The following CDH4 variants were observed in gnomAD, a reference collection of about 807,000 sequenced individuals.
The protein encoded by CDH4 is cadherin-4.
CDH4 carries 33 observed loss-of-function variants against 86.0 expected under a neutral mutation model. The ratio of observed to expected loss-of-function variants is 0.38; its 90% confidence interval spans 0.29 to 0.51. The LOEUF (loss-of-function observed/expected upper bound fraction) is 0.51. Ranked by LOEUF, CDH4 falls within the 20% of genes least tolerant of loss-of-function variation. The pLI is 0.86. For missense variants in CDH4, 1,114 were observed against 1,307.4 expected, an observed-to-expected ratio of 0.85 and a Z score of 2.28; for synonymous variants, 555 against 549.4, an observed-to-expected ratio of 1.01 and a Z score of -0.14.
At chr20:61,647,320 C>G (rs1209631932) in intron 2 of CDH4, among the ~76,000 whole-genome samples, 1 of 152,166 alleles carries the variant, frequency 6.6e-6, no homozygotes, top group African/African-American at 2.4e-5. Context: ...CTGGAGGCAT[C>G]TCCCTCACGC....
rs76372235 is a variant in CDH4 at position 61,677,818 on chromosome 20, G to A, written c.170-65745G>A. Among the ~76,000 whole-genome samples the A allele has an allele frequency of 6.7e-3, 1,021 of 151,548 alleles. 11 individuals carry two copies. Among genetic ancestry groups the A allele is most frequent in the African/African-American group, 0.023 (938 of 41,314 alleles). On this transcript the variant is annotated intron_variant, in intron 2 of 15. Transcript: ENST00000614565. ...CATGGATGATGGATGGAAGATAGATGGATAGTGGATGGAGGACAGATGATA... is the reference window on the plus strand; with the variant it reads ...CATGGATGATGGATGGAAGATAGATAGATAGTGGATGGAGGACAGATGATA...
intron 2 of CDH4, among the ~76,000 whole-genome samples, chr20:61,677,750 G>A (rs947670310): frequency 3.0e-4 from 35 of 114,838 alleles, no homozygotes; most frequent in African/African-American, 1.1e-3. Flanking sequence ...TGGATGGGTG[G>A]ATAGGTGGAT....
intron 2 of CDH4, among the ~76,000 whole-genome samples, chr20:61,300,988 G>A (rs1337880111): frequency 6.6e-6 from 1 of 152,172 alleles, no homozygotes; most frequent in African/African-American, 2.4e-5. Flanking sequence ...CCTCACATGA[G>A]CTGCTGGGCA....
At chr20:61,929,102 G>C (rs745761885) in intron 12 of CDH4, among the ~76,000 whole-genome samples, 2 of 151,480 alleles carry the variant, frequency 1.3e-5, no homozygotes, top group African/African-American at 4.8e-5. Context: ...TATATATTCA[G>C]GAAATTATTT....
intron 2 of CDH4, among the ~76,000 whole-genome samples, chr20:61,449,419 G>GA (rs1426872936): frequency 7.9e-5 from 12 of 152,296 alleles, no homozygotes; most frequent in Non-Finnish European, 1.2e-4. Context: ...TCCACTCCCT[G>GA]AGTCACTCCG....
intron 2 of CDH4, chr20:61,718,795 C>T (rs756103331): frequency 3.6e-5 from 17 of 471,092 alleles, no homozygotes; most frequent in African/African-American, 1.8e-4. Flanking sequence ...TCACCAGCTG[C>T]GGAGGAGGCT....
chr20:61,298,053 C>G (rs915789020), intron 2 of CDH4, among the ~76,000 whole-genome samples: 1 of 152,212 alleles, frequency 6.6e-6, no homozygotes, highest in Non-Finnish European at 1.5e-5. Flanking sequence ...TTGGCTATCA[C>G]GAGGTGGCCT....
At chr20:61,348,597 T>C (rs1313538732) in intron 2 of CDH4, among the ~76,000 whole-genome samples, 4 of 152,220 alleles carry the variant, frequency 2.6e-5, no homozygotes, top group Admixed American at 2.6e-4. Flanking sequence ...TTTCTTTCAC[T>C]TCCGGTGTTT....
chr20:61,654,130 G>A (rs1424984737), intron 2 of CDH4, among the ~76,000 whole-genome samples: 1 of 152,134 alleles, frequency 6.6e-6, no homozygotes, highest in African/African-American at 2.4e-5. Context: ...TCCAGCCTGG[G>A]CACCATTGAG....
intron 1 of CDH4, 139 bp from the exon 2 acceptor site, chr20:61,254,687 C>G (rs111940372): frequency 1.6e-5 from 11 of 670,288 alleles, no homozygotes; most frequent in East Asian, 7.7e-5. Context: ...GACGGGGTAT[C>G]GCGTCTGGGT....
chr20:61,683,617 G>T (rs1485798463), intron 2 of CDH4, among the ~76,000 whole-genome samples: 2 of 152,212 alleles, frequency 1.3e-5, no homozygotes, highest in African/African-American at 4.8e-5. Context: ...TTGGTAGCTT[G>T]TCAGTCACCC....
chr20:61,913,887 C>CCCT, intron 9 of CDH4, among the ~76,000 whole-genome samples: 1 of 152,302 alleles, frequency 6.6e-6, no homozygotes, highest in Non-Finnish European at 1.5e-5. Context: ...TGGCAGCGGG[C>CCCT]CACCCTCTGC....
intron 2 of CDH4, among the ~76,000 whole-genome samples, chr20:61,587,824 A>G (rs559015962): frequency 1.3e-5 from 2 of 152,164 alleles, no homozygotes; most frequent in Non-Finnish European, 2.9e-5. Flanking sequence ...CAAGCAACAC[A>G]TGAGTGACTT....
At chr20:61,634,826 A>T (rs1032265949) in intron 2 of CDH4, among the ~76,000 whole-genome samples, 2 of 152,196 alleles carry the variant, frequency 1.3e-5, no homozygotes, top group Non-Finnish European at 2.9e-5. Flanking sequence ...CCCTCCTGCC[A>T]GGCCCTGGCA....
intron 2 of CDH4, among the ~76,000 whole-genome samples, chr20:61,298,813 CTT>C (rs11479514): frequency 1.2e-4 from 18 of 149,380 alleles, no homozygotes; most frequent in Admixed American, 1.3e-4. Flanking sequence ...TGGTGAGAGT[CTT>C]TTTTTTTTTC....
At chr20:61,657,400 G>A (rs956866451) in intron 2 of CDH4, among the ~76,000 whole-genome samples, 3 of 152,188 alleles carry the variant, frequency 2.0e-5, no homozygotes, top group Non-Finnish European at 4.4e-5. Context: ...AACTTCTATA[G>A]TTTAGGGGTT....
chr20:61,331,604 G>C (rs7273779), intron 2 of CDH4, among the ~76,000 whole-genome samples: 1 of 102,558 alleles, frequency 9.8e-6, no homozygotes, highest in African/African-American at 4.8e-5. Flanking sequence ...CTCCTGCCCC[G>C]GCCACCTGCC....
chr20:61,548,394 T>G (rs1205331685), intron 2 of CDH4, among the ~76,000 whole-genome samples: 1 of 152,064 alleles, frequency 6.6e-6, no homozygotes, highest in East Asian at 1.9e-4. Flanking sequence ...AGGGTCACCC[T>G]GAGAAGAGAA....
At chr20:61,499,660 C>T (rs1052568218) in intron 2 of CDH4, among the ~76,000 whole-genome samples, 2 of 152,148 alleles carry the variant, frequency 1.3e-5, no homozygotes, top group Non-Finnish European at 2.9e-5. Flanking sequence ...AGCCCACAAA[C>T]GCAGGCCAGT....
Sources: gnomAD v4.1 joint callset for allele counts (sites outside exome capture counted in the v4.1 genomes callset) on GRCh38, gnomAD v4.1.1 for gene constraint, MANE v1.5 for transcripts, NCBI Gene and HGNC (gene_info 2026-07-23, HGNC 2026-07-21) for gene names.